The following COL3A1 variants were observed in gnomAD, a reference collection of about 807,000 sequenced individuals.
COL3A1 encodes collagen type III alpha 1 chain.
COL3A1 carries 46 observed loss-of-function variants against 200.9 expected under a neutral mutation model. The observed-to-expected ratio is 0.23, with a 90% CI of 0.18 to 0.29. The LOEUF (loss-of-function observed/expected upper bound fraction) is 0.29. Among genes scored for constraint, COL3A1 ranks in the 10% least tolerant of loss-of-function variants. The probability of loss-of-function intolerance (pLI) is 1.00; values close to 1 mark genes in which losing one functional copy is unlikely to be tolerated. For synonymous variants in COL3A1, 650 were observed against 628.0 expected (o/e 1.03, Z -0.52); for missense variants, 1,367 against 1,917.6 (o/e 0.71, Z 5.36).
Position 189,001,549 on chromosome 2 carries a change from C to T in COL3A1, c.2351C>T (p.Ala784Val), listed in dbSNP as rs370292679. 44 of 1,613,746 alleles carry T rather than the reference C, an allele frequency of 2.7e-5. No homozygotes were observed. The highest frequency in any genetic ancestry group is 3.5e-5 in the Non-Finnish European group (41 of 1,179,896). Residue 784 changes from alanine (A) to valine (V), a missense_variant, in exon 34 of 51, where the codon GCC becomes GTC. Coordinates refer to ENST00000304636, the MANE Select transcript of COL3A1 (RefSeq NM_000090.4). ...GQPGDKGEGG[A>V]PGLPGIAGPR... ...CTCTTTTTCCAGGGTGAAGGTGGTG[C>T]CCCCGGACTTCCAGGTATAGCTGGA...
intron 1 of COL3A1, among the ~76,000 whole-genome samples, chr2:188,975,765 T>C (rs79224293): frequency 0.022 from 3,393 of 151,938 alleles, 122 homozygotes; most frequent in African/African-American, 0.077. Flanking sequence ...GAAACACCCA[T>C]TTTCCTTGTT....
Position 189,003,359 on chromosome 2 carries a change from C to A in COL3A1, c.2554-52C>A, listed in dbSNP as rs1285330433. ...GTTTTCAAAGGCTTAATGCTTTTCC[C>A]AAATTTTGATTTTGGTGCTATTCTT... On this transcript the variant is annotated intron_variant, in intron 36 of 50. Transcript: ENST00000304636. 11 of 1,549,780 alleles carry A rather than the reference C, an allele frequency of 7.1e-6. No homozygotes were observed. In the Admixed American group the frequency reaches 8.4e-5, roughly 12 times the overall value.
intron 1 of COL3A1, among the ~76,000 whole-genome samples, chr2:188,983,914 A>G (rs1371166826): frequency 1.3e-5 from 2 of 151,964 alleles, no homozygotes; most frequent in African/African-American, 2.4e-5. Context: ...TGTTTTGGCA[A>G]TTCCTAAGCT....
Position 188,987,973 on chromosome 2 carries a change from G to C in COL3A1, c.529-108G>C. The C allele has an allele frequency of 3.6e-6, 3 of 833,928 alleles. No homozygotes were observed. The South Asian group carries it at 4.2e-5, about 12-fold the overall frequency. 51.7% of individuals were successfully genotyped at this position (833,928 alleles called of 1,614,324 possible). A position where few individuals can be genotyped will look rare whatever the true frequency, so the allele number is the denominator to read the frequency against. On this transcript the variant is annotated intron_variant, in intron 5 of 50. Transcript: ENST00000304636. ...TTATCAAAAAGTTATCAAAAGATGA[G>C]ATATAGTTGTTCATAGTTTTAACAA...
Position 188,990,014 on chromosome 2 carries a change from T to G in COL3A1, c.691-82T>G, listed in dbSNP as rs115109670. 2.5e-4 allele frequency: 329 copies of G among 1,299,392 alleles called. No individual in the cohort carries two copies. The African/African-American group carries it at 3.9e-3, about 15-fold the overall frequency. The allele number at this position is 1,299,392 out of a possible 1,614,324, so 80.5% of individuals were successfully genotyped here. On this transcript the variant is annotated intron_variant, in intron 8 of 50. Coordinates refer to ENST00000304636, the MANE Select transcript of COL3A1 (RefSeq NM_000090.4). ...TTTAATGAGTCCTTTGTGAGAAAAA[T>G]GCAAAGTAACCATTTTGCTTATTGG...
chr2:188,997,653 A>C (rs751418332), intron 26 of COL3A1, 47 bp from the exon 27 acceptor site: 29 of 1,571,774 alleles, frequency 1.8e-5, no homozygotes, highest in Non-Finnish European at 2.5e-5. Context: ...CTGTAGACTA[A>C]ATATAAAAGG....
rs1397481099 is a variant in COL3A1, at chr2:188,997,720, A to T, written c.1890A>T (p.Gly630=). The change falls in exon 27 of 51, where the codon GGA becomes GGT. Residue 630 remains glycine, a synonymous_variant. Coordinates refer to ENST00000304636, the MANE Select transcript of COL3A1 (RefSeq NM_000090.4). The stretch of plus-strand genomic sequence containing the variant: ...TCTAGGGGCCTGGTGGTGACAAAGG[A>T]GACACAGGACCCCCTGGTCCACAAG... ...PGPTGPGGDK[G]DTGPPGPQGL... is the part of the protein sequence containing the mutation. 1 of 1,613,826 alleles carries T rather than the reference A, an allele frequency of 6.2e-7. No individual in the cohort carries two copies. Among genetic ancestry groups the T allele is most frequent in the Non-Finnish European group, 8.5e-7 (1 of 1,179,832 alleles).
intron 32 of COL3A1, among the ~76,000 whole-genome samples, chr2:189,000,454 C>A (rs1688431970): frequency 6.6e-6 from 1 of 152,076 alleles, no homozygotes; most frequent in Non-Finnish European, 1.5e-5. Flanking sequence ...TTAGTGGTTG[C>A]TAGCAGTTAA....
chr2:188,979,488 A>G (rs1035638398), intron 1 of COL3A1, among the ~76,000 whole-genome samples: 4 of 151,836 alleles, frequency 2.6e-5, no homozygotes, highest in African/African-American at 7.2e-5. Context: ...TTTTTTGTAT[A>G]TAGCAAAATG....
chr2:188,993,518 A>G (rs1336666667), intron 16 of COL3A1, 59 bp downstream of exon 16: 31 of 1,306,978 alleles, frequency 2.4e-5, no homozygotes, highest in Non-Finnish European at 3.1e-5. Context: ...ATGAAAGCAT[A>G]GTTTCATGCT....
chr2:188,977,129 A>G (rs1242133779), intron 1 of COL3A1, among the ~76,000 whole-genome samples: 1 of 152,124 alleles, frequency 6.6e-6, no homozygotes, highest in Non-Finnish European at 1.5e-5. Flanking sequence ...ACATATGACT[A>G]TTGTTTAAAT....
Position 188,991,002 on chromosome 2 carries a change from A to T in COL3A1, c.799-2A>T. The T allele has an allele frequency of 6.2e-7, 1 of 1,613,006 alleles. No homozygotes were observed. The highest frequency in any genetic ancestry group is 8.5e-7 in the Non-Finnish European group (1 of 1,179,206). On this transcript the variant is annotated splice_acceptor_variant, in intron 10 of 50. Transcript: ENST00000304636. LOFTEE classifies it high-confidence loss of function. Reference sequence around the variant, plus strand: ...ATTTTGCTGGTTTTATACATTTCCTAGGGCTTCGATGGACGAAATGGAGAA... The same window carrying T: ...ATTTTGCTGGTTTTATACATTTCCTTGGGCTTCGATGGACGAAATGGAGAA...
intron 3 of COL3A1, 37 bp downstream of exon 3, chr2:188,985,284 T>C: frequency 6.6e-7 from 1 of 1,506,846 alleles, no homozygotes; most frequent in Non-Finnish European, 9.2e-7. Context: ...AAATTAATAC[T>C]AATGATAATT....
chr2:188,996,063 G>A, intron 22 of COL3A1, 62 bp from the exon 23 acceptor site: 1 of 1,436,900 alleles, frequency 7.0e-7, no homozygotes, highest in African/African-American at 1.4e-5. Flanking sequence ...TACAAATAGT[G>A]TATGTAGTAA....
intron 50 of COL3A1, 69 bp from the exon 51 acceptor site, chr2:189,011,559 A>G (rs1306523633): frequency 1.3e-6 from 2 of 1,594,612 alleles, no homozygotes; most frequent in African/African-American, 1.3e-5. Flanking sequence ...GTTTTCTTTA[A>G]CTTGTTAAGT....
intron 2 of COL3A1, 99 bp downstream of exon 2, chr2:188,985,061 C>A: frequency 7.2e-7 from 1 of 1,391,626 alleles, no homozygotes; most frequent in South Asian, 1.2e-5. Context: ...AAGTCATGTT[C>A]ATCAAATAGC....
In COL3A1 at chr2:188,994,110, T is replaced by A; in HGVS notation, c.1194+28T>A. On this transcript the variant is annotated intron_variant, in intron 17 of 50. Coordinates refer to ENST00000304636, the MANE Select transcript of COL3A1 (RefSeq NM_000090.4). This position sits in a 1 kb window ranked among gnomAD's most constrained non-coding sequence, Gnocchi z 4.5. The stretch of plus-strand genomic sequence containing the variant: ...AAGCTGTCCCCACTCCTCAGCCTTA[T>A]CTCATCCACACATTACTGGCTTCTT... The A allele has an allele frequency of 1.9e-6, 3 of 1,613,986 alleles. No individual in the cohort carries two copies. Among genetic ancestry groups the A allele is most frequent in the South Asian group, 1.1e-5 (1 of 91,078 alleles).
At chr2:188,997,031 TATATATATGAGACATATATATATGAGA>T (rs1291102978) in intron 24 of COL3A1, 107 bp from the exon 25 acceptor site, 11 of 299,484 alleles carry the variant, frequency 3.7e-5, no homozygotes, top group Non-Finnish European at 7.1e-5. Context: ...ATATGAGACA[TATATATATGAGACATATATATATGAGA>T]CATATATATA....
At position 189,012,033 on chromosome 2, in the gene COL3A1, A is replaced by G; in HGVS notation, c.*259A>G. 6.1e-6 allele frequency: 3 copies of G among 489,336 alleles called. No homozygotes were observed. In the South Asian group the frequency reaches 6.3e-5, roughly 10 times the overall value. 30.3% of individuals were successfully genotyped at this position (489,336 alleles called of 1,614,324 possible). On this transcript the variant is annotated 3_prime_UTR_variant, in exon 51 of 51. Transcript: ENST00000304636. ...TGTCTCAATGGTGCTATAATAAATA[A>G]ACTTCAACACTCTTTATGATAACAA...
Sources: gnomAD v4.1 joint callset for allele counts (sites outside exome capture counted in the v4.1 genomes callset) on GRCh38, gnomAD v4.1.1 for gene constraint, Gnocchi (gnomAD v3.1) non-coding constraint, MANE v1.5 for transcripts, NCBI Gene and HGNC (gene_info 2026-07-23, HGNC 2026-07-21) for gene names.